Variants in ATRN observed in about 807,000 individuals in gnomAD.
The protein encoded by ATRN is attractin, also known as attractin-2.
In ATRN, 54 loss-of-function variants were observed where a neutral mutation model predicts 178.7. The observed-to-expected ratio is 0.30, with a 90% CI of 0.24 to 0.38. The LOEUF (loss-of-function observed/expected upper bound fraction) is 0.38, where lower values mean the gene tolerates loss of function less well. Among genes scored for constraint, ATRN ranks in the 10% least tolerant of loss-of-function variants. ATRN has a pLI of 1.00. For missense variants in ATRN, 1,443 were observed against 1,815.1 expected (o/e 0.79, Z 3.73); for synonymous variants, 636 against 663.0 (o/e 0.96, Z 0.63).
At position 3,474,933 on chromosome 20, in the gene ATRN, G is replaced by A. The variant is rs1478648811; in HGVS notation, c.410+3416G>A. ...TGTGATCCCAGCTACTCGGGAGGCT[G>A]AGGCAGGAGAATTGCTTGAACCCGG... On this transcript the variant is annotated intron_variant, in intron 1 of 28. Coordinates refer to ENST00000262919, the MANE Select transcript of ATRN (RefSeq NM_139321.3). Among the ~76,000 whole-genome samples the A allele has an allele frequency of 4.6e-5, 7 of 151,162 alleles. No individual in the cohort carries two copies. In the South Asian group the frequency reaches 1.3e-3, roughly 27 times the overall value.
intron 5 of ATRN, 32 bp downstream of exon 5, chr20:3,547,521 C>G: frequency 6.6e-7 from 1 of 1,522,774 alleles, no homozygotes; most frequent in Non-Finnish European, 9.0e-7. Flanking sequence ...ATTTTTTCTT[C>G]CATTTATAGA....
chr20:3,493,050 ATATG>A (rs1045621242), intron 1 of ATRN, among the ~76,000 whole-genome samples: 1 of 146,706 alleles, frequency 6.8e-6, no homozygotes, highest in African/African-American at 2.5e-5. Context: ...ATATAATTAT[ATATG>A]TATTATAGAT....
intron 1 of ATRN, among the ~76,000 whole-genome samples, chr20:3,495,278 C>G (rs967124400): frequency 2.0e-5 from 3 of 152,076 alleles, no homozygotes; most frequent in Non-Finnish European, 2.9e-5. Flanking sequence ...TTAGAAATTA[C>G]AAGATCATAT....
chr20:3,564,877 A>T (rs1047218724), intron 10 of ATRN, among the ~76,000 whole-genome samples: 2 of 152,150 alleles, frequency 1.3e-5, no homozygotes, highest in Admixed American at 6.5e-5. Flanking sequence ...TATCCTGGCT[A>T]ACACGGTGAA....
Position 3,578,383 on chromosome 20 carries a change from A to C in ATRN, c.2354-199A>C, listed in dbSNP as rs538576661. On this transcript the variant is annotated intron_variant, in intron 14 of 28. Transcript: ENST00000262919. ...GAATATGCTTTTTAGGATCCGGGAG[A>C]TATCACCAGTAAACATTTTAAAATT... is the stretch of plus-strand genomic sequence containing the variant. Among the ~76,000 whole-genome samples the C allele has an allele frequency of 2.6e-5, 4 of 152,312 alleles. No individual in the cohort carries two copies. In the East Asian group the frequency reaches 7.7e-4, roughly 29 times the overall value.
chr20:3,483,666 A>T (rs1312951539), intron 1 of ATRN, among the ~76,000 whole-genome samples: 7 of 151,966 alleles, frequency 4.6e-5, no homozygotes, highest in African/African-American at 1.7e-4. Context: ...TTCTTTACCT[A>T]TCTCTTTTTG....
chr20:3,583,739 C>T (rs529419756), intron 16 of ATRN, among the ~76,000 whole-genome samples, 159 bp from the exon 17 acceptor site: 8 of 151,576 alleles, frequency 5.3e-5, no homozygotes, highest in South Asian at 4.2e-4. Flanking sequence ...ACCGGGGAGG[C>T]GGAGGTTGCA....
intron 11 of ATRN, 55 bp from the exon 12 acceptor site, chr20:3,572,676 A>G: frequency 1.4e-6 from 2 of 1,468,498 alleles, no homozygotes; most frequent in Non-Finnish European, 9.4e-7. Context: ...AAAGTATAGC[A>G]TCCAATTGTT....
chr20:3,471,363 G>A lies in ATRN; in HGVS notation c.256G>A (p.Ala86Thr). Residue 86 changes from alanine to threonine, a missense_variant, in exon 1 of 29, where the codon GCG becomes ACG. Ala to Thr is a moderately conservative substitution (Grantham distance 58, BLOSUM62 0). Around this residue, in one of 4 missense-constraint regions of ATRN, gnomAD observed 862 missense variants for 972.1 expected, o/e 0.89. Coordinates refer to ENST00000262919, the MANE Select transcript of ATRN (RefSeq NM_139321.3). The part of the protein sequence containing the change: ...LLPCEAEAAA[A>T]AAAVSGSAAA... ...GCCCTGTGAGGCCGAGGCCGCGGCGGCGGCGGCGGCGGTGTCGGGCTCAGC... is the reference window on the plus strand; with the variant it reads ...GCCCTGTGAGGCCGAGGCCGCGGCGACGGCGGCGGCGGTGTCGGGCTCAGC... 6.7e-7 allele frequency: 1 copy of A among 1,482,258 alleles called. No individual in the cohort carries two copies. The allele number at this position is 1,482,258 out of a possible 1,614,324, so 91.8% of individuals were successfully genotyped here.
At chr20:3,531,538 G>A (rs142200708) in intron 1 of ATRN, among the ~76,000 whole-genome samples, 366 of 152,174 alleles carry the variant, frequency 2.4e-3, no homozygotes, top group Non-Finnish European at 4.0e-3. Flanking sequence ...TCCATAGGTG[G>A]GATACTATGC....
intron 1 of ATRN, among the ~76,000 whole-genome samples, chr20:3,519,515 AATC>A (rs2146144746): frequency 6.6e-6 from 1 of 152,324 alleles, no homozygotes; most frequent in African/African-American, 2.4e-5. Context: ...TAAAGATAGA[AATC>A]ATGAAAGCAA....
At chr20:3,581,882 C>T (rs143504055) in intron 15 of ATRN, among the ~76,000 whole-genome samples, 23 of 152,152 alleles carry the variant, frequency 1.5e-4, no homozygotes, top group Admixed American at 9.8e-4. Flanking sequence ...AGAGGTTTTC[C>T]TATGTCTGTG....
chr20:3,588,976 C>CTTTTTTTTTT (rs1375444238), intron 18 of ATRN, among the ~76,000 whole-genome samples: 3 of 57,620 alleles, frequency 5.2e-5, no homozygotes, highest in African/African-American at 1.7e-4. Flanking sequence ...GTAGTATTTT[C>CTTTTTTTTTT]TTTTGTTTTT....
chr20:3,601,269 T>C (rs2086604102), intron 23 of ATRN, among the ~76,000 whole-genome samples: 1 of 152,174 alleles, frequency 6.6e-6, no homozygotes. Flanking sequence ...TAAATTAGGT[T>C]ATACCTACCA....
chr20:3,559,028 A>G (rs964367802), intron 6 of ATRN, among the ~76,000 whole-genome samples: 2 of 152,032 alleles, frequency 1.3e-5, no homozygotes, highest in African/African-American at 2.4e-5. Context: ...TTTGGTACCT[A>G]TCTTCAGTTT....
At chr20:3,506,287 G>T (rs574744931) in intron 1 of ATRN, among the ~76,000 whole-genome samples, 2 of 152,098 alleles carry the variant, frequency 1.3e-5, no homozygotes, top group African/African-American at 4.8e-5. Context: ...TAAAATTTCA[G>T]TTATTTAAGA....
intron 18 of ATRN, among the ~76,000 whole-genome samples, chr20:3,585,661 A>G (rs1314564369): frequency 6.6e-6 from 1 of 152,216 alleles, no homozygotes; most frequent in East Asian, 1.9e-4. Context: ...TAAAATGACA[A>G]CCCAGAGAAT....
intron 24 of ATRN, among the ~76,000 whole-genome samples, chr20:3,615,466 A>G (rs2086830983): frequency 6.6e-6 from 1 of 151,696 alleles, no homozygotes. Context: ...GATGAAACCC[A>G]CAAGGCTGTA....
At position 3,471,319 on chromosome 20, in the gene ATRN, CGCTGCTGCTGCT is replaced by C; in HGVS notation, c.221_232del (p.Leu74_Leu77del). 3 of 1,481,210 alleles carry C rather than the reference CGCTGCTGCTGCT, an allele frequency of 2.0e-6. No individual in the cohort carries two copies. The highest frequency in any genetic ancestry group is 2.7e-6 in the Non-Finnish European group (3 of 1,124,618). 91.8% of individuals were successfully genotyped at this position (1,481,210 alleles called of 1,614,324 possible). ...CTGCTGCTGTTGTTGCTCTCGCCGCCGCTGCTGCTGCTGCTGCTGCCCTGTGAGGCCGAGGCC... is the reference window on the plus strand; with the variant it reads ...CTGCTGCTGTTGTTGCTCTCGCCGCCGCTGCTGCCCTGTGAGGCCGAGGCC... On this transcript the variant is annotated inframe_deletion, in exon 1 of 29. Transcript: ENST00000262919.
Sources: allele counts gnomAD v4.1 joint callset (sites outside exome capture counted in the v4.1 genomes callset), GRCh38; gene constraint gnomAD v4.1.1; regional missense constraint gnomAD v4.1.1; transcripts MANE v1.5; gene names NCBI Gene and HGNC (gene_info 2026-07-23, HGNC 2026-07-21).